Variants in PDE10A observed in about 807,000 individuals in gnomAD.
PDE10A encodes the protein cAMP and cAMP-inhibited cGMP 3',5'-cyclic phosphodiesterase 10A.
In PDE10A, 39 loss-of-function variants were observed where a neutral mutation model predicts 97.7. The ratio of observed to expected loss-of-function variants is 0.40; its 90% CI spans 0.31 to 0.52. PDE10A has a LOEUF of 0.52. Ranked by LOEUF, PDE10A falls within the 20% of genes least tolerant of loss-of-function variation. The probability of loss-of-function intolerance (pLI) is 0.56; values close to 1 mark genes in which losing one functional copy is unlikely to be tolerated. For synonymous variants in PDE10A, 371 were observed against 376.8 expected (o/e 0.98, Z 0.18); for missense variants, 731 against 1,047.8 (o/e 0.70, Z 4.17).
intron 14 of PDE10A, 85 bp from the exon 15 acceptor site, chr6:165,395,349 C>G: frequency 1.1e-6 from 1 of 927,950 alleles, no homozygotes; most frequent in Non-Finnish European, 1.7e-6. Flanking sequence ...TTGTTTGTAC[C>G]AAGGAGCTAA....
At chr6:165,933,024 T>C (rs939110951) in intron 1 of PDE10A, among the ~76,000 whole-genome samples, 46 of 152,252 alleles carry the variant, frequency 3.0e-4, no homozygotes, top group Admixed American at 2.5e-3. Context: ...ATTCCTGGTC[T>C]GGGGAGGCTA....
intron 2 of PDE10A, among the ~76,000 whole-genome samples, chr6:165,503,823 A>C (rs1781039435): frequency 6.6e-6 from 1 of 152,208 alleles, no homozygotes; most frequent in Non-Finnish European, 1.5e-5. Flanking sequence ...TGCAAAAAAA[A>C]ATAAGTAACT....
intron 1 of PDE10A, among the ~76,000 whole-genome samples, chr6:165,893,948 G>T (rs1252395820): frequency 6.6e-6 from 1 of 151,868 alleles, no homozygotes; most frequent in Non-Finnish European, 1.5e-5. Context: ...GTCAAAGTTG[G>T]CAATGAAGAT....
intron 1 of PDE10A, among the ~76,000 whole-genome samples, chr6:165,600,315 C>T (rs1418442611): frequency 6.6e-6 from 1 of 152,168 alleles, no homozygotes; most frequent in Non-Finnish European, 1.5e-5. Flanking sequence ...CAGGGCAGGG[C>T]TCTGAAGGAC....
intron 1 of PDE10A, among the ~76,000 whole-genome samples, chr6:165,587,318 G>C (rs1184984568): frequency 6.6e-6 from 1 of 152,108 alleles, no homozygotes; most frequent in South Asian, 2.1e-4. Flanking sequence ...CAATTAGAAC[G>C]ATACAAGGAG....
chr6:165,741,580 G>A (rs866031498), intron 1 of PDE10A, among the ~76,000 whole-genome samples: 1 of 152,054 alleles, frequency 6.6e-6, no homozygotes, highest in East Asian at 1.9e-4. Context: ...TCTGTCCAAC[G>A]TTCTACTCCA....
intron 2 of PDE10A, among the ~76,000 whole-genome samples, chr6:165,497,755 G>C (rs1213312118): frequency 6.6e-6 from 1 of 152,070 alleles, no homozygotes; most frequent in African/African-American, 2.4e-5. Context: ...ATCTACCCCA[G>C]AGAGGCCAAG....
At chr6:165,841,199 T>A (rs948055123) in intron 1 of PDE10A, among the ~76,000 whole-genome samples, 1 of 152,234 alleles carries the variant, frequency 6.6e-6, no homozygotes, top group Non-Finnish European at 1.5e-5. Flanking sequence ...ATCTTGTTTG[T>A]CTAGCTCACT....
chr6:165,376,925 G>A (rs1353510682), intron 18 of PDE10A, among the ~76,000 whole-genome samples: 1 of 151,986 alleles, frequency 6.6e-6, no homozygotes, highest in Non-Finnish European at 1.5e-5. Context: ...AAAAAAGAAG[G>A]AGAAGAAAAC....
intron 1 of PDE10A, among the ~76,000 whole-genome samples, chr6:165,563,915 G>A (rs1468701817): frequency 1.3e-5 from 2 of 150,656 alleles, no homozygotes; most frequent in Non-Finnish European, 2.9e-5. Flanking sequence ...TAGCTATAAT[G>A]ATGATACAAA....
At chr6:165,580,543 A>G (rs1206624813) in intron 1 of PDE10A, among the ~76,000 whole-genome samples, 1 of 152,214 alleles carries the variant, frequency 6.6e-6, no homozygotes, top group Admixed American at 6.5e-5. Flanking sequence ...AATTAGTTTT[A>G]AGGAAAAAGT....
chr6:165,340,084 A>ACC (rs1781889728), intron 19 of PDE10A, among the ~76,000 whole-genome samples: 1 of 152,220 alleles, frequency 6.6e-6, no homozygotes, highest in African/African-American at 2.4e-5. Context: ...AATAGTTACT[A>ACC]AAGATTCACT....
At chr6:165,861,097 G>A (rs13213159) in intron 1 of PDE10A, among the ~76,000 whole-genome samples, 5,419 of 152,264 alleles carry the variant, frequency 0.036, 114 homozygotes, top group Middle Eastern at 0.048. Flanking sequence ...TTGTTTCCAC[G>A]AAGAGTGTTC....
intron 13 of PDE10A, among the ~76,000 whole-genome samples, chr6:165,410,949 G>A (rs1486354991): frequency 5.0e-5 from 2 of 39,626 alleles, no homozygotes; most frequent in African/African-American, 6.1e-4. Flanking sequence ...ATAGCCGGGC[G>A]TGGTGGCGGT....
chr6:165,526,338 C>A (rs913104945), intron 2 of PDE10A, among the ~76,000 whole-genome samples: 7 of 152,216 alleles, frequency 4.6e-5, no homozygotes, highest in Middle Eastern at 3.4e-3. Context: ...CTGGACTCAT[C>A]CTGTGGTCAT....
chr6:165,778,271 C>A (rs995932396), intron 1 of PDE10A, among the ~76,000 whole-genome samples: 2 of 152,202 alleles, frequency 1.3e-5, no homozygotes, highest in Middle Eastern at 6.8e-3. Flanking sequence ...GGGGTTTCAC[C>A]ATGTTAGCCA....
chr6:165,826,938 G>A (rs1330092812), intron 1 of PDE10A, among the ~76,000 whole-genome samples: 1 of 152,016 alleles, frequency 6.6e-6, no homozygotes, highest in Non-Finnish European at 1.5e-5. Context: ...CAGGGGGAAG[G>A]GGCAGGGAGG....
intron 2 of PDE10A, among the ~76,000 whole-genome samples, chr6:165,538,947 T>G (rs569012817): frequency 6.6e-6 from 1 of 152,220 alleles, no homozygotes; most frequent in Admixed American, 6.5e-5. Flanking sequence ...TAACATTTAG[T>G]GGGCAACATA....
chr6:165,685,481 A>C (rs1791089769), intron 1 of PDE10A, among the ~76,000 whole-genome samples: 1 of 152,044 alleles, frequency 6.6e-6, no homozygotes, highest in African/African-American at 2.4e-5. Flanking sequence ...ACCAAGAGAA[A>C]ATCGGACACA....
Sources: gnomAD v4.1 joint callset for allele counts (sites outside exome capture counted in the v4.1 genomes callset) on GRCh38, gnomAD v4.1.1 for gene constraint, MANE v1.5 for transcripts, NCBI Gene and HGNC (gene_info 2026-07-23, HGNC 2026-07-21) for gene names.